Variants in ADGRV1 observed in about 807,000 individuals in gnomAD.
ADGRV1 encodes the protein G-protein coupled receptor 98.
In ADGRV1, 359 loss-of-function variants were observed where a neutral mutation model predicts 596.2. That is an observed-to-expected ratio of 0.60 (90% CI 0.55 to 0.66). The LOEUF is 0.66. ADGRV1 is among the 30% of genes least tolerant of loss of function. The probability of loss-of-function intolerance (pLI) is 0.00; values close to 1 mark genes in which losing one functional copy is unlikely to be tolerated. For synonymous variants in ADGRV1, 2,681 were observed against 2,679.2 expected (o/e 1.00, Z -0.02); for missense variants, 7,274 against 7,575.6 (o/e 0.96, Z 1.48).
intron 75 of ADGRV1, among the ~76,000 whole-genome samples, chr5:90,817,172 G>A (rs1296135649): frequency 3.5e-4 from 53 of 151,554 alleles, no homozygotes; most frequent in African/African-American, 1.2e-3. Context: ...GTGATGATGA[G>A]CATTTTTTCA....
rs77742304 is a variant in ADGRV1, at chr5:90,854,274, G to A, written c.17594+73G>A. On this transcript the variant is annotated intron_variant, in intron 81 of 89. Transcript: ENST00000405460. ...TCGGTACCACTGAGCCTAATGTTTT[G>A]TACTGAGCATAGATGGTGGCCCCAG... is the stretch of plus-strand genomic sequence containing the variant. 2,704 of 1,123,396 alleles carry A rather than the reference G, an allele frequency of 2.4e-3. 51 individuals are homozygous for A. The African/African-American group carries it at 0.038, about 16-fold the overall frequency. 69.6% of individuals were successfully genotyped at this position (1,123,396 alleles called of 1,614,324 possible).
rs142097643 is a variant in ADGRV1 at position 90,811,247 on chromosome 5, C to T, written c.15987C>T (p.Tyr5329=). 3.0e-5 allele frequency: 49 copies of T among 1,612,472 alleles called. No individual in the cohort carries two copies. The highest frequency in any genetic ancestry group is 1.1e-4 in the African/African-American group (8 of 75,042). ...AGCCTGAGGGGCAGGAATTCTTCTA[C>T]GTGTTTCTCACAAACCCTCAAGGGG... The part of the protein sequence containing the change: ...DDEPEGQEFF[Y]VFLTNPQGGA... The change falls in exon 74 of 90, where the codon TAC becomes TAT. Residue 5329 remains tyrosine (Y), a synonymous_variant. Transcript: ENST00000405460.
chr5:91,069,000 C>T (rs1193564498), intron 85 of ADGRV1, among the ~76,000 whole-genome samples: 2 of 152,088 alleles, frequency 1.3e-5, no homozygotes, highest in African/African-American at 4.8e-5. Flanking sequence ...CACCTACAAA[C>T]ATCTGATCTT....
chr5:90,863,235 G>C (rs1767775092), intron 82 of ADGRV1, among the ~76,000 whole-genome samples: 1 of 152,204 alleles, frequency 6.6e-6, no homozygotes, highest in South Asian at 2.1e-4. Context: ...TGTTGGATTA[G>C]TGCTAAGGTT....
chr5:91,101,265 T>C (rs1791354735), intron 86 of ADGRV1, among the ~76,000 whole-genome samples: 3 of 152,218 alleles, frequency 2.0e-5, no homozygotes, highest in African/African-American at 7.2e-5. Flanking sequence ...TTGAGATTGT[T>C]TCCAAGTAAA....
At chr5:90,918,213 C>T (rs1186792129) in intron 83 of ADGRV1, among the ~76,000 whole-genome samples, 1 of 151,946 alleles carries the variant, frequency 6.6e-6, no homozygotes, top group Non-Finnish European at 1.5e-5. Context: ...GGAAGTAGTC[C>T]CAATGTTTGG....
chr5:90,718,615 A>G (rs958780978), intron 43 of ADGRV1, among the ~76,000 whole-genome samples: 18 of 152,022 alleles, frequency 1.2e-4, no homozygotes, highest in African/African-American at 3.9e-4. Flanking sequence ...ATGCATATTC[A>G]TTGTCATGGT....
In ADGRV1 at chr5:90,781,423, T is replaced by G. The variant is rs1382170211; in HGVS notation, c.13083-7T>G. On this transcript the variant is annotated splice_region_variant and splice_polypyrimidine_tract_variant and intron_variant, in intron 64 of 89. Transcript: ENST00000405460. ...TTATTTTATTTTGATTTGTATGACTTTGGAAGAGGGTATGATTTTACCATT... is the reference window on the plus strand; with the variant it reads ...TTATTTTATTTTGATTTGTATGACTGTGGAAGAGGGTATGATTTTACCATT... 3.8e-6 allele frequency: 6 copies of G among 1,588,232 alleles called. No homozygotes were observed. The highest frequency in any genetic ancestry group is 1.3e-5 in the African/African-American group (1 of 74,484).
intron 20 of ADGRV1, among the ~76,000 whole-genome samples, chr5:90,656,472 C>T (rs1045505737): frequency 1.3e-5 from 2 of 152,112 alleles, no homozygotes; most frequent in African/African-American, 2.4e-5. Flanking sequence ...ACAGTGAGAA[C>T]CATGATGTGG....
At chr5:90,864,520 A>G (rs1767907192) in intron 83 of ADGRV1, among the ~76,000 whole-genome samples, 1 of 152,184 alleles carries the variant, frequency 6.6e-6, no homozygotes, top group Admixed American at 6.5e-5. Context: ...ACCATTTGCA[A>G]ACTACTCTGT....
chr5:91,155,237 T>C (rs1353593049), intron 89 of ADGRV1, among the ~76,000 whole-genome samples: 1 of 152,222 alleles, frequency 6.6e-6, no homozygotes, highest in Non-Finnish European at 1.5e-5. Context: ...CAAAAAATTC[T>C]CTATTAATTC....
Position 90,713,459 on chromosome 5 carries a change from A to G in ADGRV1, c.9184+1031A>G, listed in dbSNP as rs758676118. Among the ~76,000 whole-genome samples, 4 of 151,996 alleles carry G rather than the reference A, an allele frequency of 2.6e-5. No homozygotes were observed. The East Asian group carries it at 5.8e-4, about 22-fold the overall frequency. On this transcript the variant is annotated intron_variant, in intron 42 of 89. Transcript: ENST00000405460. Reference sequence around the variant, plus strand: ...GTAAAGCGTTGTATGAATGAATACCATGTGTTGGTTGAGAATAGTCTATGT... The same window carrying G: ...GTAAAGCGTTGTATGAATGAATACCGTGTGTTGGTTGAGAATAGTCTATGT...
intron 1 of ADGRV1, 94 bp from the exon 2 acceptor site, chr5:90,614,741 C>A: frequency 1.1e-6 from 1 of 934,742 alleles, no homozygotes; most frequent in Non-Finnish European, 1.7e-6. Context: ...TGCTGTCTAA[C>A]TCTTCATACT....
intron 61 of ADGRV1, among the ~76,000 whole-genome samples, 198 bp from the exon 62 acceptor site, chr5:90,777,707 A>G (rs982571571): frequency 1.3e-5 from 2 of 152,188 alleles, no homozygotes; most frequent in African/African-American, 2.4e-5. Flanking sequence ...ATAGATTTAC[A>G]CTAGCTTAAT....
At chr5:91,033,814 T>A (rs1297550579) in intron 85 of ADGRV1, among the ~76,000 whole-genome samples, 1 of 152,234 alleles carries the variant, frequency 6.6e-6, no homozygotes, top group Non-Finnish European at 1.5e-5. Flanking sequence ...AGCAGTTTAT[T>A]TGTTTTGAGC....
At chr5:90,720,400 A>G (rs897816035) in intron 44 of ADGRV1, among the ~76,000 whole-genome samples, 177 bp downstream of exon 44, 11 of 152,242 alleles carry the variant, frequency 7.2e-5, no homozygotes, top group Non-Finnish European at 1.3e-4. Context: ...GGGAGTATCA[A>G]AAACCTAAAC....
chr5:90,708,509 T>C (rs945960885), intron 38 of ADGRV1, among the ~76,000 whole-genome samples: 2 of 151,844 alleles, frequency 1.3e-5, no homozygotes, highest in African/African-American at 4.8e-5. Flanking sequence ...AATGTTTTGT[T>C]CATATTATGC....
chr5:90,756,299 A>G (rs1192533767), intron 55 of ADGRV1, among the ~76,000 whole-genome samples, 155 bp from the exon 56 acceptor site: 1 of 152,228 alleles, frequency 6.6e-6, no homozygotes, highest in Non-Finnish European at 1.5e-5. Context: ...GTGGGAATGT[A>G]TTAAAATATA....
chr5:90,985,265 A>G (rs555589677), intron 84 of ADGRV1, 79 bp from the exon 85 acceptor site: 61 of 984,678 alleles, frequency 6.2e-5, no homozygotes, highest in Non-Finnish European at 8.4e-5. Flanking sequence ...TTGGTCGGTA[A>G]CATTGCCTAA....
Sources: gnomAD v4.1 joint callset for allele counts (sites outside exome capture counted in the v4.1 genomes callset) on GRCh38, gnomAD v4.1.1 for gene constraint, MANE v1.5 for transcripts, NCBI Gene and HGNC (gene_info 2026-07-23, HGNC 2026-07-21) for gene names.